The following MGLL variants were observed in gnomAD, a reference collection of about 807,000 sequenced individuals.
MGLL encodes the protein monoglyceride lipase.
In MGLL, 7 loss-of-function variants were observed where a neutral mutation model predicts 29.1. The ratio of observed to expected loss-of-function variants is 0.24; its 90% CI spans 0.14 to 0.45. The LOEUF is 0.45. MGLL is among the 20% of genes least tolerant of loss of function. The pLI, the probability that MGLL is intolerant of heterozygous loss-of-function variation, is 0.99. For synonymous variants in MGLL, 148 were observed against 168.3 expected (o/e 0.88, Z 0.93); for missense variants, 356 against 413.6 (o/e 0.86, Z 1.21).
rs1246748625 is a variant in MGLL at position 127,755,168 on chromosome 3, A to C, written c.262+26621T>G. ...ATGCATTGCTCAACCCCAGAGAGAA[A>C]AGGAGAAGATAAAACCTGGATTCAA... On this transcript the variant is annotated intron_variant, in intron 3 of 7. Coordinates refer to ENST00000265052, the MANE Select transcript of MGLL (RefSeq NM_007283.7). Among the ~76,000 whole-genome samples the C allele has an allele frequency of 2.0e-5, 3 of 152,206 alleles. No homozygotes were observed. The East Asian group carries it at 5.8e-4, about 29-fold the overall frequency.
At chr3:127,750,633 G>GAT (rs2076540474) in intron 3 of MGLL, among the ~76,000 whole-genome samples, 1 of 150,388 alleles carries the variant, frequency 6.6e-6, no homozygotes, top group Non-Finnish European at 1.5e-5. Flanking sequence ...AACGCACACT[G>GAT]ACACACACAC....
chr3:127,692,726 C>A (rs1206607873), intron 7 of MGLL, among the ~76,000 whole-genome samples: 5 of 152,238 alleles, frequency 3.3e-5, no homozygotes, highest in Non-Finnish European at 5.9e-5. Context: ...GGTGGCTAGC[C>A]TGGCGAGGTC....
At chr3:127,697,380 G>T (rs539183654) in intron 6 of MGLL, among the ~76,000 whole-genome samples, 1 of 152,350 alleles carries the variant, frequency 6.6e-6, no homozygotes, top group East Asian at 1.9e-4. Flanking sequence ...TGTCTGCCCG[G>T]CACTAAGTGT....
rs2076762448 is a variant in MGLL at position 127,761,418 on chromosome 3, G to A, written c.262+20371C>T. The stretch of plus-strand genomic sequence containing the variant: ...GGACCAGGGTGGAGGCCTCCCCAGG[G>A]CTCCTCCTTCTCCAGCAAGCAGTAC... On this transcript the variant is annotated intron_variant, in intron 3 of 7. Transcript: ENST00000265052. The surrounding 1 kb of genome is among the most constrained non-coding windows in gnomAD (Gnocchi z 4.6). 6.6e-6 allele frequency among the ~76,000 whole-genome samples: 1 copy of A among 152,212 alleles called. No individual in the cohort carries two copies. The highest frequency in any genetic ancestry group is 1.5e-5 in the Non-Finnish European group (1 of 68,042).
chr3:127,692,040 C>G lies in MGLL; in HGVS notation c.*158G>C. 9.5e-7 allele frequency: 1 copy of G among 1,058,016 alleles called. No homozygotes were observed. The highest frequency in any genetic ancestry group is 1.6e-5 in the South Asian group (1 of 62,138). 65.5% of individuals were successfully genotyped at this position (1,058,016 alleles called of 1,614,324 possible). A position where few individuals can be genotyped will look rare whatever the true frequency, so the allele number is the denominator to read the frequency against. ...CAGTGTCTGATAGTCTAATGTATAA[C>G]AAAAATGTCTGTTATTTTTTAGAAA... On this transcript the variant is annotated 3_prime_UTR_variant, in exon 8 of 8. Coordinates refer to ENST00000265052, the MANE Select transcript of MGLL (RefSeq NM_007283.7).
chr3:127,760,693 G>C (rs2076748593), intron 3 of MGLL, among the ~76,000 whole-genome samples: 1 of 152,264 alleles, frequency 6.6e-6, no homozygotes, highest in South Asian at 2.1e-4. Flanking sequence ...CAGAGGCACA[G>C]CACTGATTGG....
chr3:127,727,600 T>G (rs1409291914), intron 3 of MGLL, among the ~76,000 whole-genome samples: 1 of 149,096 alleles, frequency 6.7e-6, no homozygotes, highest in Non-Finnish European at 1.5e-5. Flanking sequence ...TAGTCCCAGC[T>G]AGTCAGGAAG....
At chr3:127,692,398 G>A in intron 7 of MGLL, 75 bp from the exon 8 acceptor site, 2 of 1,582,706 alleles carry the variant, frequency 1.3e-6, no homozygotes, top group Non-Finnish European at 1.7e-6. Context: ...CGTGGGCAGT[G>A]GGCAGGGGTC....
chr3:127,821,238 C>T (rs75069497), intron 2 of MGLL, among the ~76,000 whole-genome samples: 5 of 152,204 alleles, frequency 3.3e-5, no homozygotes, highest in Admixed American at 2.6e-4. Context: ...ATACCCAGGC[C>T]CCTTTCTTCC....
intron 2 of MGLL, 37 bp from the exon 3 acceptor site, chr3:127,781,932 C>A (rs1478509751): frequency 1.2e-6 from 2 of 1,603,818 alleles, no homozygotes. Flanking sequence ...TAGGAAAGCC[C>A]ACACGGGGCT....
rs557525793 is a variant in MGLL at position 127,810,671 on chromosome 3, G to A, written c.155+11023C>T. On this transcript the variant is annotated intron_variant, in intron 2 of 7. Coordinates refer to ENST00000265052, the MANE Select transcript of MGLL (RefSeq NM_007283.7). ...CATTTCTTTATCTCCAAACTGGAAT[G>A]AGACCTGGCATACACGAGGTGTTCA... is the stretch of plus-strand genomic sequence containing the variant. Among the ~76,000 whole-genome samples, 8 of 152,354 alleles carry A rather than the reference G, an allele frequency of 5.3e-5. No homozygotes were observed. In the South Asian group the frequency reaches 1.5e-3, roughly 28 times the overall value.
intron 3 of MGLL, among the ~76,000 whole-genome samples, chr3:127,779,184 G>A (rs1304649533): frequency 1.3e-5 from 2 of 151,448 alleles, no homozygotes; most frequent in Non-Finnish European, 3.0e-5. Context: ...TGGCCAATAT[G>A]GTGAAACCCC....
intron 2 of MGLL, among the ~76,000 whole-genome samples, chr3:127,802,886 A>C (rs544903591): frequency 1.3e-5 from 2 of 152,304 alleles, no homozygotes; most frequent in East Asian, 3.9e-4. Context: ...CAGCTGTCCC[A>C]AGATTCTGGA....
intron 3 of MGLL, among the ~76,000 whole-genome samples, chr3:127,766,212 C>T (rs914558958): frequency 6.6e-6 from 1 of 152,172 alleles, no homozygotes; most frequent in African/African-American, 2.4e-5. Context: ...AATAGCCCCC[C>T]ACCAACTACT....
intron 2 of MGLL, among the ~76,000 whole-genome samples, chr3:127,820,011 A>C (rs1017405640): frequency 2.0e-5 from 3 of 152,124 alleles, no homozygotes; most frequent in Admixed American, 1.3e-4. Context: ...TGAGGATAAC[A>C]CTATGGAAAG....
intron 5 of MGLL, 91 bp from the exon 6 acceptor site, chr3:127,710,756 G>T: frequency 8.6e-7 from 1 of 1,167,678 alleles, no homozygotes; most frequent in Non-Finnish European, 1.3e-6. Flanking sequence ...ATTAAGGAGA[G>T]TGATGCCCAA....
chr3:127,736,107 T>C, intron 3 of MGLL: 2 of 1,176,890 alleles, frequency 1.7e-6, no homozygotes, highest in Non-Finnish European at 2.1e-6. Context: ...GCTAGTTCCA[T>C]TGTTTGGAGC....
chr3:127,822,966 ACACACACG>A (rs1559993770), upstream of MGLL: 2 of 151,982 alleles, frequency 1.3e-5, no homozygotes, highest in Non-Finnish European at 2.9e-5. Flanking sequence ...CCGTGCACAC[ACACACACG>A]CACACATGGG....
At chr3:127,792,744 A>G (rs974152959) in intron 2 of MGLL, among the ~76,000 whole-genome samples, 5 of 152,122 alleles carry the variant, frequency 3.3e-5, no homozygotes, top group Admixed American at 6.5e-5. Context: ...AGTGCTTTGA[A>G]GATGAAAAGC....
Sources: gnomAD v4.1 joint callset for allele counts (sites outside exome capture counted in the v4.1 genomes callset) on GRCh38, gnomAD v4.1.1 for gene constraint, Gnocchi (gnomAD v3.1) non-coding constraint, MANE v1.5 for transcripts, NCBI Gene and HGNC (gene_info 2026-07-23, HGNC 2026-07-21) for gene names.